The following SRI variants were observed in gnomAD, a reference collection of about 807,000 sequenced individuals.
SRI encodes sorcin, also known as 22 kDa protein.
SRI carries 30 observed loss-of-function variants against 33.3 expected under a neutral mutation model. That is an observed-to-expected ratio of 0.90 (90% CI 0.67 to 1.22). The LOEUF (loss-of-function observed/expected upper bound fraction) is 1.22. SRI is among the 50% of genes most tolerant of loss of function. SRI has a pLI of 0.00. For synonymous variants in SRI, 75 were observed against 89.9 expected (o/e 0.83, Z 0.94); for missense variants, 243 against 250.8 (o/e 0.97, Z 0.21).
rs1851423428 is a variant in SRI at position 88,205,563 on chromosome 7, A to T, written c.*915T>A. On this transcript the variant is annotated 3_prime_UTR_variant, in exon 8 of 8. Transcript: ENST00000265729. ...CTGGAGAATGTTTGGAAAAGCAGTAAGAAGGAAGAAGATGAACTCATGATC... is the reference window on the plus strand; with the variant it reads ...CTGGAGAATGTTTGGAAAAGCAGTATGAAGGAAGAAGATGAACTCATGATC... 1 of 152,090 alleles carries T rather than the reference A, an allele frequency of 6.6e-6. No homozygotes were observed. The highest frequency in any genetic ancestry group is 1.5e-5 in the Non-Finnish European group (1 of 68,032). 9.4% of individuals were successfully genotyped at this position (152,090 alleles called of 1,614,324 possible). A position where few individuals can be genotyped will look rare whatever the true frequency, so the allele number is the denominator to read the frequency against.
upstream of SRI, chr7:88,220,229 G>C (rs112359815): frequency 5.4e-4 from 707 of 1,311,098 alleles, 3 homozygotes; most frequent in African/African-American, 9.9e-3. Flanking sequence ...TTGCCATTAC[G>C]GCGCTAATGC....
chr7:88,206,630 A>T lies in SRI; in HGVS notation c.571-126T>A, dbSNP rs76279208. On this transcript the variant is annotated intron_variant, in intron 7 of 7. Transcript: ENST00000265729. ...AAAACAACCCCTACAACTTTCTAAG[A>T]TATGAGTAAATGATAGATGGAAAAG... 2,355 of 989,420 alleles carry T rather than the reference A, an allele frequency of 2.4e-3. 37 individuals are homozygous for T. In the African/African-American group the frequency reaches 0.032, roughly 13 times the overall value. The allele number at this position is 989,420 out of a possible 1,614,324, so 61.3% of individuals were successfully genotyped here.
intron 3 of SRI, among the ~76,000 whole-genome samples, chr7:88,211,588 G>A (rs1320186128): frequency 6.6e-6 from 1 of 152,132 alleles, no homozygotes; most frequent in Admixed American, 6.5e-5. Flanking sequence ...GGGTTGCTTT[G>A]TTCCTACTCA....
At chr7:88,209,503 T>A in intron 5 of SRI, 51 bp from the exon 6 acceptor site, 2 of 1,359,448 alleles carry the variant, frequency 1.5e-6, no homozygotes, top group Non-Finnish European at 2.1e-6. Context: ...AGAAGCTCAT[T>A]AAAAAATAAA....
rs1851976377 is a variant in SRI at position 88,225,493 on chromosome 7, A to G, written c.6+1416T>C. On this transcript the variant is annotated intron_variant, in intron 1 of 7. Coordinates refer to the SRI transcript ENST00000394641. Reference sequence around the variant, plus strand: ...CTTTGAGTAGGGGCCTGGATGAGTTAATGCTCTATGGACTACAAAGTATTT... The same window carrying G: ...CTTTGAGTAGGGGCCTGGATGAGTTGATGCTCTATGGACTACAAAGTATTT... Among the ~76,000 whole-genome samples the G allele has an allele frequency of 3.9e-5, 6 of 152,166 alleles. No individual in the cohort carries two copies. The South Asian group carries it at 1.2e-3, about 32-fold the overall frequency.
rs774923166 is a variant in SRI at position 88,206,713 on chromosome 7, ACTT to A, written c.571-212_571-210del. Among the ~76,000 whole-genome samples the A allele has an allele frequency of 3.9e-5, 6 of 152,246 alleles. No homozygotes were observed. The South Asian group carries it at 1.2e-3, about 32-fold the overall frequency. On this transcript the variant is annotated intron_variant, in intron 7 of 7. Transcript: ENST00000265729. ...AATCCACAGGGTTTCTCACATCAAA[ACTT>A]CTTAGAGAAAGCAGATATAACTTCA...
At chr7:88,218,659 A>G (rs1221190971) in intron 2 of SRI, 200 bp downstream of exon 2, 1 of 536,226 alleles carries the variant, frequency 1.9e-6, no homozygotes, top group Non-Finnish European at 3.3e-6. Flanking sequence ...CTGAACTCAC[A>G]TAAATACGAG....
At chr7:88,215,318 G>A (rs917786051) in intron 3 of SRI, among the ~76,000 whole-genome samples, 1 of 152,136 alleles carries the variant, frequency 6.6e-6, no homozygotes, top group Non-Finnish European at 1.5e-5. Context: ...CTTTCTCAAT[G>A]AAATTTTAAA....
chr7:88,207,323 T>C (rs1287692722), intron 7 of SRI, among the ~76,000 whole-genome samples: 3 of 152,208 alleles, frequency 2.0e-5, no homozygotes, highest in Non-Finnish European at 4.4e-5. Context: ...ACTAAGAAGT[T>C]AACGCATGTT....
upstream of SRI, among the ~76,000 whole-genome samples, chr7:88,220,702 CAG>C (rs1323092759): frequency 5.9e-5 from 9 of 152,164 alleles, no homozygotes; most frequent in Non-Finnish European, 1.2e-4. Context: ...CTGAGTAGGA[CAG>C]AGGGCATTTT....
At chr7:88,212,321 G>A (rs1161712073) in intron 3 of SRI, among the ~76,000 whole-genome samples, 1 of 152,240 alleles carries the variant, frequency 6.6e-6, no homozygotes, top group Non-Finnish European at 1.5e-5. Flanking sequence ...TCTCTGAGGT[G>A]AGAGGAGGAG....
rs1342811959 is a variant in SRI, at chr7:88,214,923, T to C, written c.205+2199A>G. ...CCTCCAGCTGTTTCTCTCAACCTTA[T>C]CACAGACGAACAACTAAATTCAGGG... On this transcript the variant is annotated intron_variant, in intron 3 of 7. Coordinates refer to ENST00000265729, the MANE Select transcript of SRI (RefSeq NM_003130.4). The C allele has an allele frequency of 1.0e-5, 8 of 798,008 alleles. No homozygotes were observed. In the South Asian group the frequency reaches 1.1e-4, roughly 11 times the overall value. 49.4% of individuals were successfully genotyped at this position (798,008 alleles called of 1,614,324 possible).
At chr7:88,214,795 C>T in intron 3 of SRI, 3 of 1,025,556 alleles carry the variant, frequency 2.9e-6, no homozygotes, top group East Asian at 9.5e-5. Context: ...TGTAATTTAC[C>T]TTTACTCTTT....
chr7:88,214,200 TGGG>T (rs1233166315), intron 3 of SRI, among the ~76,000 whole-genome samples: 1 of 152,068 alleles, frequency 6.6e-6, no homozygotes, highest in Non-Finnish European at 1.5e-5. Flanking sequence ...ACAAGAATGA[TGGG>T]GGCATTTGGT....
chr7:88,211,051 C>T (rs534955855), intron 3 of SRI, 126 bp from the exon 4 acceptor site: 77 of 764,388 alleles, frequency 1.0e-4, no homozygotes, highest in Non-Finnish European at 1.5e-4. Context: ...TATCAATTTA[C>T]GTGTGACTAA....
chr7:88,220,056 C>CCTGTGCG, upstream of SRI: 1 of 1,515,694 alleles, frequency 6.6e-7, no homozygotes, highest in Non-Finnish European at 8.8e-7. Context: ...CCGCCCTCGC[C>CCTGTGCG]CTGTGCGCCA....
chr7:88,217,993 T>TA (rs1851775883), intron 2 of SRI, among the ~76,000 whole-genome samples: 1 of 152,242 alleles, frequency 6.6e-6, no homozygotes, highest in African/African-American at 2.4e-5. Flanking sequence ...CTGTATTTCT[T>TA]AGAGTACTAC....
intron 1 of SRI, chr7:88,226,766 C>T (rs1172703131): frequency 1.2e-6 from 1 of 811,130 alleles, no homozygotes; most frequent in Non-Finnish European, 1.8e-6. Flanking sequence ...GAGAAAGGAA[C>T]CTGGATTAAT....
intron 2 of SRI, 79 bp from the exon 3 acceptor site, chr7:88,217,270 T>A: frequency 8.6e-7 from 1 of 1,161,376 alleles, no homozygotes; most frequent in Non-Finnish European, 1.3e-6. Flanking sequence ...AATGAAGCAA[T>A]AACAACAAAG....
Sources: gnomAD v4.1 joint callset for allele counts (sites outside exome capture counted in the v4.1 genomes callset) on GRCh38, gnomAD v4.1.1 for gene constraint, MANE v1.5 for transcripts, NCBI Gene and HGNC (gene_info 2026-07-23, HGNC 2026-07-21) for gene names.